NAV3: variants seen among roughly 807,000 people sequenced by gnomAD.
NAV3 encodes neuron navigator 3, also known as pore membrane and/or filament interacting like protein 1.
Under a neutral mutation model 244.7 loss-of-function variants are expected in NAV3, and 87 were observed. That is an observed-to-expected ratio of 0.36 (90% CI 0.30 to 0.42). NAV3 has a LOEUF of 0.42. NAV3 is among the 20% of genes least tolerant of loss of function. The probability of loss-of-function intolerance (pLI) is 1.00; values close to 1 mark genes in which losing one functional copy is unlikely to be tolerated. For missense variants in NAV3, 2,663 were observed against 2,893.3 expected (o/e 0.92, Z 1.83); for synonymous variants, 1,126 against 1,042.2 (o/e 1.08, Z -1.55).
At chr12:77,655,344 G>C (rs982809417) in intron 2 of NAV3, among the ~76,000 whole-genome samples, 12 of 152,314 alleles carry the variant, frequency 7.9e-5, no homozygotes, top group Admixed American at 6.5e-4. Context: ...TCAACTGGAA[G>C]AAAGGGTATC....
chr12:77,809,091 A>C lies in NAV3; in HGVS notation c.73-131228A>C, dbSNP rs182288562. Among the ~76,000 whole-genome samples the C allele has an allele frequency of 2.3e-3, 349 of 152,156 alleles. 3 individuals carry two copies. The highest frequency in any genetic ancestry group is 8.1e-3 in the African/African-American group (337 of 41,528). ...GGCAGTGAGAATTTCAAGCCAGTGG[A>C]TCTTACCTTGCTGGGCTCTGTGCGG... On this transcript the variant is annotated intron_variant, in intron 2 of 8. Coordinates refer to the NAV3 transcript ENST00000550042.
chr12:78,169,893 A>G (rs1957933737), intron 24 of NAV3, among the ~76,000 whole-genome samples: 1 of 151,714 alleles, frequency 6.6e-6, no homozygotes, highest in Non-Finnish European at 1.5e-5. Context: ...GACATCATAC[A>G]TTCTTGGTTT....
intron 18 of NAV3, among the ~76,000 whole-genome samples, chr12:78,135,604 A>G (rs1468773071): frequency 6.6e-6 from 1 of 151,824 alleles, no homozygotes; most frequent in Non-Finnish European, 1.5e-5. Context: ...TTAATACTTC[A>G]TTAATTTAAA....
At chr12:77,997,138 T>C (rs1246052997) in intron 6 of NAV3, among the ~76,000 whole-genome samples, 3 of 148,816 alleles carry the variant, frequency 2.0e-5, no homozygotes, top group African/African-American at 7.5e-5. Context: ...ACTCAGAGGC[T>C]GAGGCAGGAG....
chr12:77,992,761 A>G (rs772744743), intron 5 of NAV3, among the ~76,000 whole-genome samples: 22 of 152,218 alleles, frequency 1.4e-4, no homozygotes, highest in Non-Finnish European at 2.6e-4. Context: ...TGTGGAAACA[A>G]GCACCCCAAA....
chr12:77,790,913 G>A (rs1871148669), intron 2 of NAV3, among the ~76,000 whole-genome samples: 1 of 152,022 alleles, frequency 6.6e-6, no homozygotes, highest in Non-Finnish European at 1.5e-5. Context: ...TGGTTTTAAG[G>A]GCGTCCCTCT....
chr12:78,127,283 T>C (rs1955952981), intron 17 of NAV3, 75 bp downstream of exon 17: 2 of 1,429,094 alleles, frequency 1.4e-6, no homozygotes, highest in Non-Finnish European at 9.8e-7. Flanking sequence ...TCTTCCTTCT[T>C]TGTTTGTTTG....
chr12:77,956,659 T>C (rs1268124827), intron 3 of NAV3, among the ~76,000 whole-genome samples: 1 of 152,204 alleles, frequency 6.6e-6, no homozygotes, highest in African/African-American at 2.4e-5. Context: ...GTTTTCCTTA[T>C]AGTTGCTCTG....
intron 3 of NAV3, among the ~76,000 whole-genome samples, chr12:77,949,481 G>A (rs545023047): frequency 1.3e-5 from 2 of 151,888 alleles, no homozygotes; most frequent in East Asian, 1.9e-4. Context: ...TGGATCTTCC[G>A]CTATTTTTTT....
At chr12:77,942,064 A>G (rs1889921024) in intron 3 of NAV3, among the ~76,000 whole-genome samples, 1 of 152,226 alleles carries the variant, frequency 6.6e-6, no homozygotes, top group South Asian at 2.1e-4. Flanking sequence ...AAAGTGATTA[A>G]CTATCATGTA....
At chr12:77,611,924 A>T (rs1035901738) in intron 2 of NAV3, among the ~76,000 whole-genome samples, 3 of 152,042 alleles carry the variant, frequency 2.0e-5, no homozygotes, top group African/African-American at 7.2e-5. Context: ...GCTACTATTC[A>T]TTGCTTTTTG....
chr12:78,185,529 A>C (rs1448595490), intron 30 of NAV3, 72 bp from the exon 31 acceptor site: 3 of 1,307,300 alleles, frequency 2.3e-6, no homozygotes, highest in African/African-American at 2.9e-5. Flanking sequence ...TATGAGGGAG[A>C]AAAGAATGAC....
chr12:77,848,858 T>G (rs1421512297), intron 1 of NAV3, among the ~76,000 whole-genome samples: 2 of 152,134 alleles, frequency 1.3e-5, no homozygotes, highest in Non-Finnish European at 2.9e-5. Context: ...AGCAGAGAAA[T>G]CTCCTAATGA....
intron 5 of NAV3, among the ~76,000 whole-genome samples, chr12:77,987,811 T>C (rs1415328455): frequency 6.6e-6 from 1 of 152,150 alleles, no homozygotes; most frequent in East Asian, 1.9e-4. Context: ...AGGATTGAGA[T>C]TGGGGTTTGA....
intron 2 of NAV3, among the ~76,000 whole-genome samples, chr12:77,723,755 C>CTTTGTTTTTT (rs1876746392): frequency 1.5e-5 from 1 of 67,648 alleles, no homozygotes. Flanking sequence ...GCAATCTTGA[C>CTTTGTTTTTT]TTTTTTTTTT....
chr12:77,796,669 G>C (rs1871421024), intron 2 of NAV3, among the ~76,000 whole-genome samples: 2 of 152,044 alleles, frequency 1.3e-5, no homozygotes, highest in South Asian at 4.1e-4. Flanking sequence ...AACTTTATTG[G>C]TATCTTATAT....
At chr12:77,750,838 A>G (rs1262669189) in intron 2 of NAV3, among the ~76,000 whole-genome samples, 2 of 152,238 alleles carry the variant, frequency 1.3e-5, no homozygotes, top group South Asian at 4.1e-4. Context: ...GGCAGAATGT[A>G]GCACTCACAG....
At chr12:77,705,407 AAAAC>A (rs1442597798) in intron 2 of NAV3, among the ~76,000 whole-genome samples, 2 of 151,502 alleles carry the variant, frequency 1.3e-5, no homozygotes, top group East Asian at 1.9e-4. Context: ...CTGTCTCAAA[AAAAC>A]AAACAAACAA....
chr12:78,003,498 T>G (rs551739342), intron 7 of NAV3, among the ~76,000 whole-genome samples: 1 of 152,240 alleles, frequency 6.6e-6, no homozygotes, highest in African/African-American at 2.4e-5. Flanking sequence ...ATTTCAGAGT[T>G]GGAACCTAGT....
Sources: gnomAD v4.1 joint callset for allele counts (sites outside exome capture counted in the v4.1 genomes callset) on GRCh38, gnomAD v4.1.1 for gene constraint, MANE v1.5 for transcripts, NCBI Gene and HGNC (gene_info 2026-07-23, HGNC 2026-07-21) for gene names.